The following SOX6 variants were observed in gnomAD, a reference collection of about 807,000 sequenced individuals.
The protein encoded by SOX6 is SRY-box transcription factor 6, also known as transcription factor SOX-6.
SOX6 carries 11 observed loss-of-function variants against 97.8 expected under a neutral mutation model. That is an observed-to-expected ratio of 0.11 (90% CI 0.07 to 0.19). The LOEUF (loss-of-function observed/expected upper bound fraction) is 0.19. Among genes scored for constraint, SOX6 ranks in the 10% least tolerant of loss-of-function variants. The probability of loss-of-function intolerance (pLI) is 1.00; values close to 1 mark genes in which losing one functional copy is unlikely to be tolerated. For synonymous variants in SOX6, 360 were observed against 371.4 expected (o/e 0.97, Z 0.35); for missense variants, 810 against 1,039.5 (o/e 0.78, Z 3.04).
At chr11:16,219,926 C>T (rs1412242228) in intron 4 of SOX6, among the ~76,000 whole-genome samples, 1 of 151,926 alleles carries the variant, frequency 6.6e-6, no homozygotes, top group Non-Finnish European at 1.5e-5. Flanking sequence ...TAATTATGAT[C>T]CCATGCATTT....
chr11:16,484,882 T>C (rs910951035), intron 4 of SOX6, among the ~76,000 whole-genome samples: 2 of 152,108 alleles, frequency 1.3e-5, no homozygotes, highest in African/African-American at 4.8e-5. Flanking sequence ...CTAAAAAGCT[T>C]TTATAAAGTT....
At chr11:16,371,799 A>G (rs1445393235) in intron 1 of SOX6, among the ~76,000 whole-genome samples, 1 of 152,148 alleles carries the variant, frequency 6.6e-6, no homozygotes, top group Non-Finnish European at 1.5e-5. Flanking sequence ...TTACTGAGTC[A>G]CTTGAGATCA....
chr11:16,128,048 C>T (rs1333257280), intron 6 of SOX6, among the ~76,000 whole-genome samples: 4 of 152,098 alleles, frequency 2.6e-5, no homozygotes, highest in Non-Finnish European at 4.4e-5. Flanking sequence ...CTTTAATGTC[C>T]TATATCCCTT....
At chr11:16,195,946 C>A (rs562597785) in intron 4 of SOX6, among the ~76,000 whole-genome samples, 1 of 152,254 alleles carries the variant, frequency 6.6e-6, no homozygotes, top group Non-Finnish European at 1.5e-5. Context: ...GGAAGTGAGT[C>A]TAGCATGATT....
intron 6 of SOX6, among the ~76,000 whole-genome samples, chr11:16,135,352 T>C (rs1849933073): frequency 6.6e-6 from 1 of 152,328 alleles, no homozygotes; most frequent in Middle Eastern, 3.4e-3. Flanking sequence ...CATAAGGCTA[T>C]AGCTTTCATA....
chr11:16,664,737 C>A (rs1320753661), intron 3 of SOX6, among the ~76,000 whole-genome samples: 1 of 152,020 alleles, frequency 6.6e-6, no homozygotes, highest in Non-Finnish European at 1.5e-5. Context: ...AGTGCTTGTG[C>A]CACCCCTGCC....
At chr11:16,183,074 C>CTT (rs1170262584) in intron 6 of SOX6, among the ~76,000 whole-genome samples, 1 of 151,966 alleles carries the variant, frequency 6.6e-6, no homozygotes, top group South Asian at 2.1e-4. Flanking sequence ...ATCAGTGTTT[C>CTT]TAAGGATTAG....
intron 7 of SOX6, among the ~76,000 whole-genome samples, chr11:16,107,158 G>A (rs189974227): frequency 8.6e-5 from 13 of 151,924 alleles, no homozygotes; most frequent in South Asian, 6.2e-4. Context: ...AAAATGGCAC[G>A]GCTACTGTGG....
At chr11:16,252,682 G>T (rs947351656) in intron 3 of SOX6, 3 of 152,102 alleles carry the variant, frequency 2.0e-5, no homozygotes, top group African/African-American at 7.2e-5. Flanking sequence ...CAGGAAAAAC[G>T]ATTTTTCCAG....
chr11:16,558,408 C>G (rs989036621), intron 4 of SOX6, among the ~76,000 whole-genome samples: 2 of 151,966 alleles, frequency 1.3e-5, no homozygotes, highest in Non-Finnish European at 2.9e-5. Context: ...CCAAGAATTA[C>G]TCTCATACCA....
intron 2 of SOX6, among the ~76,000 whole-genome samples, chr11:16,324,589 G>A (rs952629738): frequency 6.6e-6 from 1 of 151,824 alleles, no homozygotes; most frequent in Non-Finnish European, 1.5e-5. Context: ...TAAATTTTTG[G>A]ATACATAATA....
At chr11:16,387,576 T>C (rs1414883613) in intron 1 of SOX6, among the ~76,000 whole-genome samples, 1 of 151,972 alleles carries the variant, frequency 6.6e-6, no homozygotes, top group Admixed American at 6.6e-5. Context: ...CCTTAGAAAA[T>C]TTTCTTTACA....
chr11:16,602,889 CGT>C (rs1225261127), intron 4 of SOX6, among the ~76,000 whole-genome samples: 1 of 152,028 alleles, frequency 6.6e-6, no homozygotes, highest in Non-Finnish European at 1.5e-5. Context: ...GGCGTGGTGG[CGT>C]GTGCCTGTAA....
intron 12 of SOX6, among the ~76,000 whole-genome samples, chr11:16,024,832 A>G (rs1322646647): frequency 6.6e-6 from 1 of 152,100 alleles, no homozygotes; most frequent in Non-Finnish European, 1.5e-5. Context: ...GACCTTTCAA[A>G]AACATTCTCC....
At chr11:16,371,337 T>C (rs1169753630) in intron 1 of SOX6, among the ~76,000 whole-genome samples, 2 of 152,080 alleles carry the variant, frequency 1.3e-5, no homozygotes, top group Non-Finnish European at 2.9e-5. Context: ...TTCTCAATGA[T>C]ACCCTCCCTG....
rs982278165 is a variant in SOX6, at chr11:16,455,419, C to G, written c.-5+20896G>C. Reference sequence around the variant, plus strand: ...AATACTTTTTCTTTATATAAAATTACTTTTTCTTTATATAATAGTTTAAAT... The same window carrying G: ...AATACTTTTTCTTTATATAAAATTAGTTTTTCTTTATATAATAGTTTAAAT... On this transcript the variant is annotated intron_variant, in intron 1 of 15. Coordinates refer to the SOX6 transcript ENST00000396356. Among the ~76,000 whole-genome samples, 4 of 151,958 alleles carry G rather than the reference C, an allele frequency of 2.6e-5. No homozygotes were observed. In the South Asian group the frequency reaches 6.2e-4, roughly 24 times the overall value.
chr11:16,050,941 C>G (rs1297468436), intron 10 of SOX6, among the ~76,000 whole-genome samples: 1 of 152,070 alleles, frequency 6.6e-6, no homozygotes, highest in East Asian at 1.9e-4. Context: ...AGAGAACTAG[C>G]TTTTAATGCC....
chr11:16,677,730 A>AT (rs1847895687), intron 3 of SOX6, among the ~76,000 whole-genome samples: 1 of 152,124 alleles, frequency 6.6e-6, no homozygotes, highest in African/African-American at 2.4e-5. Flanking sequence ...TGCTAGCCTC[A>AT]TCTACCCCCA....
chr11:16,626,058 C>A, intron 3 of SOX6, among the ~76,000 whole-genome samples: 1 of 152,094 alleles, frequency 6.6e-6, no homozygotes, highest in East Asian at 1.9e-4. Flanking sequence ...AACTCTTAAC[C>A]TATGGAAGCT....
Sources: allele counts gnomAD v4.1 joint callset (sites outside exome capture counted in the v4.1 genomes callset), GRCh38; gene constraint gnomAD v4.1.1; transcripts MANE v1.5; gene names NCBI Gene and HGNC (gene_info 2026-07-23, HGNC 2026-07-21).